The following TMEM101 variants were observed in gnomAD, a reference collection of about 807,000 sequenced individuals.
TMEM101 encodes putative NF-kappa-B-activating protein 130.
Under a neutral mutation model 26.0 loss-of-function variants are expected in TMEM101, and 14 were observed. The observed-to-expected ratio is 0.54, with a 90% CI of 0.36 to 0.84. The LOEUF is 0.84. Among genes scored for constraint, TMEM101 ranks in the 40% least tolerant of loss-of-function variants. The pLI, the probability that TMEM101 is intolerant of heterozygous loss-of-function variation, is 0.01. For missense variants in TMEM101, 292 were observed against 345.1 expected (o/e 0.85, Z 1.22); for synonymous variants, 152 against 145.1 (o/e 1.05, Z -0.34).
chr17:44,011,718 T>G lies in TMEM101; in HGVS notation c.*210A>C. Reference sequence around the variant, plus strand: ...TAACAGGAAAAAAACCTGTACAGCATTAGTGCCAGGGCTCCTGCCCTCCCA... The same window carrying G: ...TAACAGGAAAAAAACCTGTACAGCAGTAGTGCCAGGGCTCCTGCCCTCCCA... On this transcript the variant is annotated 3_prime_UTR_variant, in exon 4 of 4. Coordinates refer to ENST00000206380, the MANE Select transcript of TMEM101 (RefSeq NM_032376.4). The G allele has an allele frequency of 1.7e-6, 1 of 589,030 alleles. No homozygotes were observed. The highest frequency in any genetic ancestry group is 3.0e-6 in the Non-Finnish European group (1 of 334,970). 36.5% of individuals were successfully genotyped at this position (589,030 alleles called of 1,614,324 possible).
At position 44,014,375 on chromosome 17, in the gene TMEM101, G is replaced by A. The variant is rs1191532884; in HGVS notation, c.300C>T (p.His100=). 6.4e-7 allele frequency: 1 copy of A among 1,553,336 alleles called. No individual in the cohort carries two copies. The highest frequency in any genetic ancestry group is 1.4e-5 in the African/African-American group (1 of 73,310). ...CGCTCACCTTCAGCCAGTCCCCGTA[G>A]TGGACGTAGCCCCCGATGTAGGCGG... ...TYAAYIGGYV[H]YGDWLKVRMY... Residue 100 remains histidine, a synonymous_variant, in exon 2 of 4, where the codon CAC becomes CAT. Coordinates refer to ENST00000206380, the MANE Select transcript of TMEM101 (RefSeq NM_032376.4).
chr17:44,013,425 C>T (rs1399159246), intron 2 of TMEM101, among the ~76,000 whole-genome samples: 7 of 152,020 alleles, frequency 4.6e-5, no homozygotes, highest in Non-Finnish European at 1.0e-4. Context: ...TTTGGGAGGC[C>T]GAGGCAGGTG....
chr17:44,014,079 C>G (rs890955727), intron 2 of TMEM101, among the ~76,000 whole-genome samples: 2 of 152,174 alleles, frequency 1.3e-5, no homozygotes, highest in Non-Finnish European at 2.9e-5. Flanking sequence ...AACCAGGTGA[C>G]CGGGGTTCTG....
intron 3 of TMEM101, 120 bp downstream of exon 3, chr17:44,012,888 TG>T: frequency 8.7e-7 from 1 of 1,143,158 alleles, no homozygotes; most frequent in Non-Finnish European, 1.2e-6. Context: ...CCCAGGGAAC[TG>T]GGCCATCAGG....
upstream of TMEM101, among the ~76,000 whole-genome samples, chr17:44,016,274 G>A (rs2049230310): frequency 6.6e-6 from 1 of 152,072 alleles, no homozygotes; most frequent in Non-Finnish European, 1.5e-5. Flanking sequence ...CCAGGTTCAA[G>A]CGATTCTCCT....
intron 3 of TMEM101, 77 bp from the exon 4 acceptor site, chr17:44,012,313 C>T (rs2049171401): frequency 4.3e-6 from 6 of 1,390,114 alleles, no homozygotes; most frequent in African/African-American, 1.4e-5. Context: ...TGAGATGGCA[C>T]CTGCAAATGA....
chr17:44,014,657 G>T lies in TMEM101; in HGVS notation c.138-120C>A. Reference sequence around the variant, plus strand: ...CCCAAACCAGACTCCCCTCCCATGGGCAGGACCGCCCTACCAGATTTGGTC... The same window carrying T: ...CCCAAACCAGACTCCCCTCCCATGGTCAGGACCGCCCTACCAGATTTGGTC... On this transcript the variant is annotated intron_variant, in intron 1 of 3. Coordinates refer to ENST00000206380, the MANE Select transcript of TMEM101 (RefSeq NM_032376.4). 3.3e-6 allele frequency: 5 copies of T among 1,502,750 alleles called. No individual in the cohort carries two copies. In the East Asian group the frequency reaches 1.1e-4, roughly 34 times the overall value. 93.1% of individuals were successfully genotyped at this position (1,502,750 alleles called of 1,614,324 possible). A position where few individuals can be genotyped will look rare whatever the true frequency, so the allele number is the denominator to read the frequency against.
chr17:44,013,418 G>A (rs1159472340), intron 2 of TMEM101, among the ~76,000 whole-genome samples: 1 of 152,200 alleles, frequency 6.6e-6, no homozygotes, highest in Non-Finnish European at 1.5e-5. Context: ...CCAGCACTTT[G>A]GGAGGCCGAG....
chr17:44,014,947 CG>C lies in TMEM101; in HGVS notation c.5del (p.Ala2GlyfsTer4), dbSNP rs2049212195. 6.2e-7 allele frequency: 1 copy of C among 1,611,334 alleles called. No individual in the cohort carries two copies. Among genetic ancestry groups the C allele is most frequent in the African/African-American group, 1.3e-5 (1 of 75,032 alleles). On this transcript the variant is annotated frameshift_variant, in exon 1 of 4. Transcript: ENST00000206380. LOFTEE classifies it high-confidence loss of function. M[A>X]SKIGSRRWML... ...TCCACCGTCTCGAACCTATCTTCGA[CG>C]CCATCTTGGGAAAGGGCAGTCCGCT...
upstream of TMEM101, among the ~76,000 whole-genome samples, chr17:44,017,731 C>T (rs2049248295): frequency 6.6e-6 from 1 of 151,398 alleles, no homozygotes; most frequent in Non-Finnish European, 1.5e-5. Context: ...CCATTGCACT[C>T]CAGCCTGGGC....
In TMEM101 at chr17:44,011,815, G is replaced by C. The variant is rs1209361601; in HGVS notation, c.*113C>G. 2 of 1,219,686 alleles carry C rather than the reference G, an allele frequency of 1.6e-6. No individual in the cohort carries two copies. The highest frequency in any genetic ancestry group is 4.8e-5 in the East Asian group (2 of 41,386). 75.6% of individuals were successfully genotyped at this position (1,219,686 alleles called of 1,614,324 possible). ...AAAAAACAATTTTAAAAAAGCAAAA[G>C]ATCAAACAAACAGACCAAAAAGCAT... On this transcript the variant is annotated 3_prime_UTR_variant, in exon 4 of 4. Transcript: ENST00000206380.
At chr17:44,017,919 G>A (rs1325257863), upstream of TMEM101, among the ~76,000 whole-genome samples, 6 of 152,092 alleles carry the variant, frequency 3.9e-5, no homozygotes, top group Non-Finnish European at 8.8e-5. Context: ...GATCACTTGA[G>A]GCCAGAAGTT....
At chr17:44,013,235 C>A in intron 2 of TMEM101, 80 bp from the exon 3 acceptor site, 2 of 1,313,222 alleles carry the variant, frequency 1.5e-6, no homozygotes, top group South Asian at 2.0e-5. Context: ...AGAACCACCC[C>A]TCTCTACACA....
upstream of TMEM101, among the ~76,000 whole-genome samples, chr17:44,015,758 C>T (rs916460340): frequency 8.5e-5 from 13 of 152,146 alleles, no homozygotes; most frequent in Non-Finnish European, 1.5e-4. Context: ...ATAAATGATA[C>T]ACATAACGCA....
chr17:44,014,718 C>G (rs1022305278), intron 1 of TMEM101, 98 bp downstream of exon 1: 3 of 1,505,258 alleles, frequency 2.0e-6, no homozygotes, highest in Non-Finnish European at 2.7e-6. Context: ...AGGGAGGTCC[C>G]AATTCCTCCC....
intron 1 of TMEM101, among the ~76,000 whole-genome samples, chr17:44,022,336 C>T (rs978114951): frequency 6.6e-6 from 1 of 152,208 alleles, no homozygotes; most frequent in African/African-American, 2.4e-5. Flanking sequence ...CAAACCCTGG[C>T]TGACTACTTC....
chr17:44,012,670 C>G (rs2049175982), intron 3 of TMEM101: 1 of 412,544 alleles, frequency 2.4e-6, no homozygotes, highest in Non-Finnish European at 4.3e-6. Context: ...AGAGTCCCAG[C>G]TGGGGCCTGA....
intron 1 of TMEM101, chr17:44,022,944 G>T (rs558477969): frequency 6.2e-4 from 103 of 165,148 alleles, no homozygotes; most frequent in South Asian, 5.5e-3. Context: ...ATAAGCGAAT[G>T]ATATAAGCAA....
chr17:44,015,058 A>G, upstream of TMEM101: 1 of 1,454,812 alleles, frequency 6.9e-7, no homozygotes, highest in Admixed American at 2.4e-5. Flanking sequence ...TCCTCCCGGA[A>G]ACAACGGTGT....
Sources: allele counts gnomAD v4.1 joint callset (sites outside exome capture counted in the v4.1 genomes callset), GRCh38; gene constraint gnomAD v4.1.1; transcripts MANE v1.5; gene names NCBI Gene and HGNC (gene_info 2026-07-23, HGNC 2026-07-21).